Variants in LCAT observed in about 807,000 individuals in gnomAD.
LCAT encodes lecithin-cholesterol acyltransferase, also known as phosphatidylcholine-sterol acyltransferase.
In LCAT, 15 loss-of-function variants were observed where a neutral mutation model predicts 41.0. The observed-to-expected ratio is 0.37, with a 90% CI of 0.24 to 0.56. LCAT has a LOEUF of 0.56. Ranked by LOEUF, LCAT falls within the 20% of genes least tolerant of loss-of-function variation. LCAT has a pLI of 0.81. For missense variants in LCAT, 449 were observed against 595.1 expected (o/e 0.75, Z 2.55); for synonymous variants, 248 against 245.4 (o/e 1.01, Z -0.10).
chr16:67,942,820 C>T lies in LCAT; in HGVS notation c.427+41G>A, dbSNP rs773435629. ...TTGGGCCATGCCTGCTGTGGGCCAG[C>T]ACCCAGGCCTGGAGCCCCAGCCCTG... On this transcript the variant is annotated intron_variant, in intron 3 of 5. Transcript: ENST00000264005. This position sits in a 1 kb window ranked among gnomAD's most constrained non-coding sequence, Gnocchi z 6.6. 5 of 1,611,742 alleles carry T rather than the reference C, an allele frequency of 3.1e-6. No individual in the cohort carries two copies. Among genetic ancestry groups the T allele is most frequent in the Non-Finnish European group, 3.4e-6 (4 of 1,178,684 alleles).
At chr16:67,941,874 C>T (rs1307479169) in intron 5 of LCAT, 5 of 1,091,820 alleles carry the variant, frequency 4.6e-6, no homozygotes, top group Non-Finnish European at 4.5e-6. Context: ...CTGTGTTTCT[C>T]TCTCCAGACC....
intron 5 of LCAT, chr16:67,941,877 TCCAGA>T: frequency 9.8e-6 from 11 of 1,119,422 alleles, no homozygotes; most frequent in Non-Finnish European, 1.1e-5. Flanking sequence ...TGTTTCTCTC[TCCAGA>T]CCAGCTCCCA....
At position 67,943,368 on chromosome 16, in the gene LCAT, C is replaced by T; in HGVS notation, c.155-156G>A. ...TTACCCTCCCCTGCTTACACCCCCT[C>T]TCCCTGCTGTCCCCCCAGTAGCCAA... is the stretch of plus-strand genomic sequence containing the variant. On this transcript the variant is annotated intron_variant, in intron 1 of 5. Coordinates refer to ENST00000264005, the MANE Select transcript of LCAT (RefSeq NM_000229.2). This position sits in a 1 kb window ranked among gnomAD's most constrained non-coding sequence, Gnocchi z 4.6. 2 of 712,550 alleles carry T rather than the reference C, an allele frequency of 2.8e-6. No individual in the cohort carries two copies. The highest frequency in any genetic ancestry group is 4.9e-6 in the Non-Finnish European group (2 of 410,148). 44.1% of individuals were successfully genotyped at this position (712,550 alleles called of 1,614,324 possible).
intron 5 of LCAT, 186 bp from the exon 6 acceptor site, chr16:67,940,664 G>A: frequency 2.9e-6 from 3 of 1,028,976 alleles, no homozygotes; most frequent in Non-Finnish European, 2.8e-6. Context: ...TCAATGAGAA[G>A]CCCTGATAAG....
At position 67,942,702 on chromosome 16, in the gene LCAT, G is replaced by GCGCACAGTCTCGTCC; in HGVS notation, c.477_491dup (p.Asp160_Arg164dup). ...CCAGCCGCCAGTCATAGGGGGCGGC[G>GCGCACAGTCTCGTCC]CGCACAGTCTCGTCCCGCACGTAGC... On this transcript the variant is annotated inframe_insertion, in exon 4 of 6. Transcript: ENST00000264005. This position sits in a 1 kb window ranked among gnomAD's most constrained non-coding sequence, Gnocchi z 6.6. 1 of 1,612,866 alleles carries GCGCACAGTCTCGTCC rather than the reference G, an allele frequency of 6.2e-7. No homozygotes were observed. Among genetic ancestry groups the GCGCACAGTCTCGTCC allele is most frequent in the East Asian group, 2.2e-5 (1 of 44,878 alleles).
intron 5 of LCAT, chr16:67,941,334 T>C (rs1332299184): frequency 6.7e-6 from 1 of 148,582 alleles, no homozygotes; most frequent in East Asian, 2.0e-4. Flanking sequence ...TAAACATTTT[T>C]TAAAAGGCCC....
intron 5 of LCAT, chr16:67,941,553 T>C (rs950596153): frequency 7.3e-6 from 6 of 823,976 alleles, no homozygotes; most frequent in Non-Finnish European, 8.8e-6. Flanking sequence ...CCAGGGAGAT[T>C]GAGACTGCGG....
intron 5 of LCAT, chr16:67,941,328 C>G (rs1054918152): frequency 6.6e-6 from 1 of 150,510 alleles, no homozygotes; most frequent in Non-Finnish European, 1.5e-5. Context: ...AACAAATAAA[C>G]ATTTTTTAAA....
intron 5 of LCAT, chr16:67,941,811 G>A (rs930791481): frequency 1.3e-5 from 13 of 1,030,844 alleles, no homozygotes; most frequent in African/African-American, 1.7e-5. Context: ...AAACAAGATG[G>A]TGTCTGTTTG....
Position 67,943,984 on chromosome 16 carries a change from C to G in LCAT, c.118G>C (p.Ala40Pro). ...GGCCGTGTGTGGTTACTGAGCTCAG[C>G]CTTGGGCGTGGTGTGCGGGGGGAAG... ...VLFPPHTTPKAELSNHTRPVI... is the reference protein window; with the variant it reads ...VLFPPHTTPKPELSNHTRPVI... The change falls in exon 1 of 6, where the codon GCT becomes CCT. Residue 40 changes from alanine (A) to proline (P), a missense_variant. Coordinates refer to ENST00000264005, the MANE Select transcript of LCAT (RefSeq NM_000229.2). The surrounding 1 kb of genome is among the most constrained non-coding windows in gnomAD (Gnocchi z 4.6). The G allele has an allele frequency of 6.5e-7, 1 of 1,548,384 alleles. No homozygotes were observed. The highest frequency in any genetic ancestry group is 8.7e-7 in the Non-Finnish European group (1 of 1,145,686).
chr16:67,942,620 G>T lies in LCAT; in HGVS notation c.524-33C>A. On this transcript the variant is annotated intron_variant, in intron 4 of 5. Coordinates refer to ENST00000264005, the MANE Select transcript of LCAT (RefSeq NM_000229.2). The surrounding 1 kb of genome is among the most constrained non-coding windows in gnomAD (Gnocchi z 6.6). ...GGGTGGAAGGGGTCAGGGCAGCTGGGGTCTGGGGCACCTGCCCCACCCCAA... is the reference window on the plus strand; with the variant it reads ...GGGTGGAAGGGGTCAGGGCAGCTGGTGTCTGGGGCACCTGCCCCACCCCAA... 6.2e-7 allele frequency: 1 copy of T among 1,612,650 alleles called. No homozygotes were observed. The highest frequency in any genetic ancestry group is 2.2e-5 in the East Asian group (1 of 44,884).
At chr16:67,940,753 C>G (rs2058287294) in intron 5 of LCAT, 2 of 459,498 alleles carry the variant, frequency 4.4e-6, no homozygotes. Context: ...AATCCCAACA[C>G]TTTGGGAGGC....
At position 67,943,712 on chromosome 16, in the gene LCAT, C is replaced by T. The variant is rs2058308176; in HGVS notation, c.154+236G>A. On this transcript the variant is annotated intron_variant, in intron 1 of 5. Coordinates refer to ENST00000264005, the MANE Select transcript of LCAT (RefSeq NM_000229.2). The surrounding 1 kb of genome is among the most constrained non-coding windows in gnomAD (Gnocchi z 4.6). Reference sequence around the variant, plus strand: ...GATGCCCCAGCCAAGACCTCAGGCACACCCCGTCCCCCACTCCGCCCCCCC... The same window carrying T: ...GATGCCCCAGCCAAGACCTCAGGCATACCCCGTCCCCCACTCCGCCCCCCC... 8.9e-6 allele frequency: 5 copies of T among 563,608 alleles called. No homozygotes were observed. Among genetic ancestry groups the T allele is most frequent in the South Asian group, 7.1e-5 (3 of 42,046 alleles). 34.9% of individuals were successfully genotyped at this position (563,608 alleles called of 1,614,324 possible).
In LCAT at chr16:67,943,955, G is replaced by T; in HGVS notation, c.147C>A (p.Val49=). ...KAELSNHTRP[V]ILVPGCLGNQ... The stretch of plus-strand genomic sequence containing the variant: ...GGCCTGGTGGGGGCTTACCGAGGAT[G>T]ACGGGCCGTGTGTGGTTACTGAGCT... The change falls in exon 1 of 6, where the codon GTC becomes GTA. Residue 49 remains valine (V), a synonymous_variant. Transcript: ENST00000264005. The surrounding 1 kb of genome is among the most constrained non-coding windows in gnomAD (Gnocchi z 4.6). The T allele has an allele frequency of 1.3e-6, 2 of 1,546,950 alleles. No homozygotes were observed. The highest frequency in any genetic ancestry group is 1.7e-6 in the Non-Finnish European group (2 of 1,144,700).
Position 67,939,842 on chromosome 16 carries a change from T to G in LCAT, c.*62A>C, listed in dbSNP as rs2058282500. 6.4e-7 allele frequency: 1 copy of G among 1,574,350 alleles called. No homozygotes were observed. The highest frequency in any genetic ancestry group is 1.3e-5 in the African/African-American group (1 of 74,520). On this transcript the variant is annotated 3_prime_UTR_variant, in exon 6 of 6. Coordinates refer to ENST00000264005, the MANE Select transcript of LCAT (RefSeq NM_000229.2). Reference sequence around the variant, plus strand: ...TGAGGAGTGAAACCTAGTGTGGGACTCTAGTGCCTCCCTTCAACCTGAAAC... The same window carrying G: ...TGAGGAGTGAAACCTAGTGTGGGACGCTAGTGCCTCCCTTCAACCTGAAAC...
At position 67,944,094 on chromosome 16, in the gene LCAT, G is replaced by A. The variant is rs753021814; in HGVS notation, c.8C>T (p.Pro3Leu). Reference sequence around the variant, plus strand: ...CACCCACTGCCATGGGGAGCCGGGCGGCCCCATTCCAGCCCTGGTGCCTAC... The same window carrying A: ...CACCCACTGCCATGGGGAGCCGGGCAGCCCCATTCCAGCCCTGGTGCCTAC... MGPPGSPWQWVTL... is the reference protein window; with the variant it reads MGLPGSPWQWVTL... Residue 3 changes from proline (P) to leucine (L), a missense_variant, in exon 1 of 6, where the codon CCG becomes CTG. Coordinates refer to ENST00000264005, the MANE Select transcript of LCAT (RefSeq NM_000229.2). This position sits in a 1 kb window ranked among gnomAD's most constrained non-coding sequence, Gnocchi z 6.6. The A allele has an allele frequency of 2.1e-5, 33 of 1,547,574 alleles. No individual in the cohort carries two copies. The South Asian group carries it at 2.4e-4, about 11-fold the overall frequency.
rs751256574 is a variant in LCAT at position 67,943,209 on chromosome 16, G to A, written c.158C>T (p.Pro53Leu). The change falls in exon 2 of 6, where the codon CCC becomes CTC. Residue 53 changes from proline to leucine, a missense_variant. Transcript: ENST00000264005. The surrounding 1 kb of genome is among the most constrained non-coding windows in gnomAD (Gnocchi z 4.6). Reference protein sequence around the residue: ...SNHTRPVILVPGCLGNQLEAK... With the variant: ...SNHTRPVILVLGCLGNQLEAK... ...TTCTAGCTGATTCCCCAGGCAGCCGGGCACTGTGAGCAGCAGCCCTCACTC... is the reference window on the plus strand; with the variant it reads ...TTCTAGCTGATTCCCCAGGCAGCCGAGCACTGTGAGCAGCAGCCCTCACTC... 6.2e-7 allele frequency: 1 copy of A among 1,612,838 alleles called. No individual in the cohort carries two copies. Among genetic ancestry groups the A allele is most frequent in the South Asian group, 1.1e-5 (1 of 91,052 alleles).
rs758221629 is a variant in LCAT, at chr16:67,940,291, C to T, written c.936G>A (p.Glu312=). 1.2e-6 allele frequency: 2 copies of T among 1,614,124 alleles called. No individual in the cohort carries two copies. The highest frequency in any genetic ancestry group is 1.7e-5 in the Admixed American group (1 of 60,028). ...ACTGCAGCCACATGTACCAGCCTTC[C>T]TCAAAGTGCAGGTCTGCAAAGAAGC... ...FQRFFADLHF[E]EGWYMWLQSR... The change falls in exon 6 of 6, where the codon GAG becomes GAA. Residue 312 remains glutamate (E), a synonymous_variant. Coordinates refer to ENST00000264005, the MANE Select transcript of LCAT (RefSeq NM_000229.2).
At chr16:67,941,578 C>T (rs1371303439) in intron 5 of LCAT, 10 of 945,104 alleles carry the variant, frequency 1.1e-5, no homozygotes, top group Non-Finnish European at 1.1e-5. Flanking sequence ...GATCACGCCA[C>T]TGCACTCCAG....
Sources: gnomAD v4.1 joint callset for allele counts on GRCh38, gnomAD v4.1.1 for gene constraint, Gnocchi (gnomAD v3.1) non-coding constraint, MANE v1.5 for transcripts, NCBI Gene and HGNC (gene_info 2026-07-23, HGNC 2026-07-21) for gene names.